GALNT17: variants seen among roughly 807,000 people sequenced by gnomAD.
GALNT17 encodes the protein UDP-GalNAc:polypeptide N-acetylgalactosaminyltransferase-like 3.
A neutral mutation model predicts 63.7 loss-of-function variants in GALNT17; 29 were observed. That is an observed-to-expected ratio of 0.46 (90% CI 0.34 to 0.62). The LOEUF is 0.62. GALNT17 is among the 20% of genes least tolerant of loss of function. The probability of loss-of-function intolerance (pLI) is 0.01; values close to 1 mark genes in which losing one functional copy is unlikely to be tolerated. For missense variants in GALNT17, 603 were observed against 799.6 expected, an observed-to-expected ratio of 0.75 and a Z score of 2.97; for synonymous variants, 305 against 318.3, an observed-to-expected ratio of 0.96 and a Z score of 0.45.
intron 5 of GALNT17, among the ~76,000 whole-genome samples, chr7:71,545,281 GT>G (rs1244633558): frequency 1.3e-5 from 2 of 152,020 alleles, no homozygotes; most frequent in African/African-American, 4.8e-5. Flanking sequence ...TTTTCACAAG[GT>G]TTTGTTCTTA....
chr7:71,481,002 A>G (rs1307837532), intron 5 of GALNT17, among the ~76,000 whole-genome samples: 1 of 152,160 alleles, frequency 6.6e-6, no homozygotes, highest in African/African-American at 2.4e-5. Flanking sequence ...AATAAGACAA[A>G]CAGACCACAT....
chr7:71,492,361 T>G (rs374492356), intron 5 of GALNT17, among the ~76,000 whole-genome samples: 2 of 152,212 alleles, frequency 1.3e-5, no homozygotes, highest in South Asian at 2.1e-4. Context: ...TCATGCCCAG[T>G]GATCTCTGTG....
chr7:71,588,345 T>C (rs1789749914), intron 6 of GALNT17, among the ~76,000 whole-genome samples: 1 of 152,194 alleles, frequency 6.6e-6, no homozygotes, highest in East Asian at 1.9e-4. Flanking sequence ...AACAAGTTGA[T>C]TGGATGAGGT....
chr7:71,314,729 C>G (rs1346553878), intron 1 of GALNT17, among the ~76,000 whole-genome samples: 4 of 152,076 alleles, frequency 2.6e-5, no homozygotes, highest in Non-Finnish European at 4.4e-5. Flanking sequence ...AGTGAGACCC[C>G]TATCTCTACA....
chr7:71,572,340 A>G (rs1296233544), intron 6 of GALNT17, among the ~76,000 whole-genome samples: 1 of 151,288 alleles, frequency 6.6e-6, no homozygotes, highest in Non-Finnish European at 1.5e-5. Context: ...CCATCTCCAC[A>G]AAAGATAAAA....
intron 2 of GALNT17, among the ~76,000 whole-genome samples, chr7:71,387,947 G>A (rs901661472): frequency 2.6e-5 from 4 of 152,116 alleles, no homozygotes; most frequent in African/African-American, 9.7e-5. Flanking sequence ...AACCCACTAA[G>A]TGCTCCATAT....
intron 6 of GALNT17, among the ~76,000 whole-genome samples, chr7:71,642,036 C>G (rs140720429): frequency 6.6e-6 from 1 of 152,200 alleles, no homozygotes; most frequent in East Asian, 1.9e-4. Flanking sequence ...TCTCAGTGTC[C>G]CCAGCATCAG....
At position 71,161,019 on chromosome 7, in the gene GALNT17, T is replaced by TC. The variant is rs201151804; in HGVS notation, c.238+27981dup. ...TGGCTAATTAAAACAATTTTTTTTTTCCGTAGAGATAGGGTCTTGCTATGT... is the reference window on the plus strand; with the variant it reads ...TGGCTAATTAAAACAATTTTTTTTTTCCCGTAGAGATAGGGTCTTGCTATGT... On this transcript the variant is annotated intron_variant, in intron 1 of 10. Transcript: ENST00000333538. Among the ~76,000 whole-genome samples, 941 of 152,126 alleles carry TC rather than the reference T, an allele frequency of 6.2e-3. 7 individuals carry two copies. The highest frequency in any genetic ancestry group is 0.021 in the African/African-American group (885 of 41,478).
At chr7:71,674,817 C>T (rs1427865732) in intron 8 of GALNT17, among the ~76,000 whole-genome samples, 2 of 152,186 alleles carry the variant, frequency 1.3e-5, no homozygotes, top group Admixed American at 6.5e-5. Flanking sequence ...GCACCCAGCC[C>T]ACATATGCTT....
chr7:71,287,385 C>T (rs1412837342), intron 1 of GALNT17, among the ~76,000 whole-genome samples: 4 of 151,976 alleles, frequency 2.6e-5, no homozygotes, highest in East Asian at 1.9e-4. Flanking sequence ...ACACCACACC[C>T]GGCTGCTTTT....
At chr7:71,542,695 CAAA>C (rs10664146) in intron 5 of GALNT17, among the ~76,000 whole-genome samples, 3 of 120,426 alleles carry the variant, frequency 2.5e-5, no homozygotes. Context: ...GACTCCCTGT[CAAA>C]AAAAAAAAAA....
intron 6 of GALNT17, among the ~76,000 whole-genome samples, chr7:71,592,098 A>G (rs1789811209): frequency 6.6e-6 from 1 of 152,188 alleles, no homozygotes; most frequent in African/African-American, 2.4e-5. Context: ...TTCCAGGGCC[A>G]GGGAACTGGG....
chr7:71,701,948 C>G (rs767612589), intron 9 of GALNT17, among the ~76,000 whole-genome samples: 13 of 145,440 alleles, frequency 8.9e-5, no homozygotes, highest in Non-Finnish European at 1.8e-4. Flanking sequence ...TCATGGAACA[C>G]TATGCAACCA....
intron 1 of GALNT17, among the ~76,000 whole-genome samples, chr7:71,183,073 A>G (rs1452990388): frequency 1.3e-5 from 2 of 152,140 alleles, no homozygotes; most frequent in Non-Finnish European, 2.9e-5. Flanking sequence ...TGATGATTTC[A>G]TGACCCAGAT....
intron 4 of GALNT17, among the ~76,000 whole-genome samples, chr7:71,419,725 C>A (rs1786625359): frequency 6.6e-6 from 1 of 152,134 alleles, no homozygotes; most frequent in Admixed American, 6.5e-5. Context: ...TGGCTGTGCT[C>A]TCTGCCAGTA....
intron 2 of GALNT17, among the ~76,000 whole-genome samples, chr7:71,377,114 A>AATATATATATATATAT (rs1554362119): frequency 5.2e-5 from 3 of 57,456 alleles, no homozygotes; most frequent in East Asian, 4.6e-4. Flanking sequence ...AAATAAAAAA[A>AATATATATATATATAT]ATATATATAT....
Position 71,201,241 on chromosome 7 carries a change from T to TATATATATATATATATATA in GALNT17, c.238+68201_238+68202insATATATATATATATATATA, listed in dbSNP as rs1554338085. 1.1e-3 allele frequency among the ~76,000 whole-genome samples: 151 copies of TATATATATATATATATATA among 138,376 alleles called. 3 individuals are homozygous for TATATATATATATATATATA. Among genetic ancestry groups the TATATATATATATATATATA allele is most frequent in the Middle Eastern group, 7.2e-3 (2 of 278 alleles). The allele number at this position is 138,376 out of a possible 152,430, so 90.8% of individuals were successfully genotyped here. A position where few individuals can be genotyped will look rare whatever the true frequency, so the allele number is the denominator to read the frequency against. ...TGTATGGGGGTGTGTGTGTTTATTT[T>TATATATATATATATATATA]TATATATATATATATAATTTGTGTG... On this transcript the variant is annotated intron_variant, in intron 1 of 10. Transcript: ENST00000333538.
intron 6 of GALNT17, among the ~76,000 whole-genome samples, chr7:71,639,900 G>A (rs891187878): frequency 2.6e-5 from 4 of 152,116 alleles, no homozygotes; most frequent in South Asian, 2.1e-4. Context: ...CGGGAAGATC[G>A]CAGCCCATGA....
chr7:71,320,164 C>T (rs1562999582), intron 1 of GALNT17, among the ~76,000 whole-genome samples: 1 of 152,182 alleles, frequency 6.6e-6, no homozygotes, highest in Non-Finnish European at 1.5e-5. Flanking sequence ...CATGCATACT[C>T]TTCCCCTGAA....
Sources: allele counts gnomAD v4.1 joint callset (sites outside exome capture counted in the v4.1 genomes callset), GRCh38; gene constraint gnomAD v4.1.1; transcripts MANE v1.5; gene names NCBI Gene and HGNC (gene_info 2026-07-23, HGNC 2026-07-21).